The following ST6GALNAC3 variants were observed in gnomAD, a reference collection of about 807,000 sequenced individuals.
ST6GALNAC3 encodes ST6 N-acetylgalactosaminide alpha-2,6-sialyltransferase 3.
In ST6GALNAC3, 25 loss-of-function variants were observed where a neutral mutation model predicts 32.7. That is an observed-to-expected ratio of 0.76 (90% CI 0.56 to 1.07). The LOEUF (loss-of-function observed/expected upper bound fraction) is 1.07. Ranked by LOEUF, ST6GALNAC3 falls within the 50% of genes least tolerant of loss-of-function variation. The probability of loss-of-function intolerance (pLI) is 0.00; values close to 1 mark genes in which losing one functional copy is unlikely to be tolerated. For missense variants in ST6GALNAC3, 355 were observed against 382.4 expected (o/e 0.93, Z 0.60); for synonymous variants, 129 against 133.1 (o/e 0.97, Z 0.21).
chr1:76,119,323 T>C (rs149766337), intron 1 of ST6GALNAC3, among the ~76,000 whole-genome samples: 1 of 152,370 alleles, frequency 6.6e-6, no homozygotes, highest in East Asian at 1.9e-4. Context: ...TTCTTTGGAA[T>C]TCCTCGTGAA....
intron 3 of ST6GALNAC3, among the ~76,000 whole-genome samples, chr1:76,501,488 AG>A (rs1215004692): frequency 2.0e-5 from 3 of 152,130 alleles, no homozygotes. Context: ...TTCTGGGTAA[AG>A]GGAGCTAAAA....
rs531628784 is a variant in ST6GALNAC3, at chr1:76,449,811, C to CA, written c.623+37396dup. On this transcript the variant is annotated intron_variant, in intron 3 of 4. Transcript: ENST00000328299. ...GCCTTATTTATTCATTTATTTTAAT[C>CA]AATTTATTTGTTTTGATTTCAATAG... 6.8e-4 allele frequency among the ~76,000 whole-genome samples: 104 copies of CA among 151,864 alleles called. 2 individuals carry two copies. The South Asian group carries it at 0.021, about 30-fold the overall frequency.
At chr1:76,457,159 C>T (rs1199869878) in intron 3 of ST6GALNAC3, among the ~76,000 whole-genome samples, 2 of 151,958 alleles carry the variant, frequency 1.3e-5, no homozygotes, top group East Asian at 3.9e-4. Flanking sequence ...ATGTGAAGGA[C>T]CTCTTCAAGG....
chr1:76,306,334 A>G (rs1661051125), intron 1 of ST6GALNAC3, among the ~76,000 whole-genome samples: 1 of 152,100 alleles, frequency 6.6e-6, no homozygotes, highest in African/African-American at 2.4e-5. Flanking sequence ...ACCTGATGGA[A>G]TGGGTATGTC....
At chr1:76,235,385 T>C (rs1489602592) in intron 1 of ST6GALNAC3, among the ~76,000 whole-genome samples, 1 of 151,998 alleles carries the variant, frequency 6.6e-6, no homozygotes, top group Non-Finnish European at 1.5e-5. Flanking sequence ...TGCCTGCCTG[T>C]AGTCCAAGCT....
At chr1:76,528,171 C>T (rs893444721) in intron 3 of ST6GALNAC3, among the ~76,000 whole-genome samples, 21 of 152,130 alleles carry the variant, frequency 1.4e-4, no homozygotes, top group African/African-American at 5.1e-4. Context: ...GTGAGAATAT[C>T]AAAGAAGCCT....
At chr1:76,344,353 T>C (rs1395137218) in intron 2 of ST6GALNAC3, among the ~76,000 whole-genome samples, 1 of 152,226 alleles carries the variant, frequency 6.6e-6, no homozygotes, top group African/African-American at 2.4e-5. Context: ...TTTACTCTTA[T>C]TCTTCTAAAG....
chr1:76,534,492 T>C (rs1050717281), intron 3 of ST6GALNAC3, among the ~76,000 whole-genome samples: 2 of 152,180 alleles, frequency 1.3e-5, no homozygotes, highest in African/African-American at 4.8e-5. Context: ...TGGCCTTCAT[T>C]TACTATAAAC....
At chr1:76,153,399 G>A (rs759713876) in intron 1 of ST6GALNAC3, among the ~76,000 whole-genome samples, 3 of 152,058 alleles carry the variant, frequency 2.0e-5, no homozygotes, top group Non-Finnish European at 2.9e-5. Flanking sequence ...ACCCATAGGC[G>A]GCTAGAGTGT....
At chr1:76,239,128 C>T (rs529258214) in intron 1 of ST6GALNAC3, among the ~76,000 whole-genome samples, 29 of 152,088 alleles carry the variant, frequency 1.9e-4, no homozygotes, top group Admixed American at 1.0e-3. Flanking sequence ...TTGTCCTTTT[C>T]GCTTCTCTAG....
At chr1:76,086,176 C>G (rs1276576737) in intron 1 of ST6GALNAC3, among the ~76,000 whole-genome samples, 3 of 152,142 alleles carry the variant, frequency 2.0e-5, no homozygotes, top group Non-Finnish European at 4.4e-5. Context: ...TCTTTGCTGG[C>G]TAACAGGGAG....
intron 1 of ST6GALNAC3, among the ~76,000 whole-genome samples, chr1:76,223,582 A>G (rs759365574): frequency 9.9e-5 from 15 of 152,118 alleles, no homozygotes; most frequent in Non-Finnish European, 1.9e-4. Flanking sequence ...AAAAAATAAA[A>G]TGTGCTTTTA....
chr1:76,318,184 T>A (rs1052922956), intron 2 of ST6GALNAC3, among the ~76,000 whole-genome samples: 14 of 152,072 alleles, frequency 9.2e-5, no homozygotes, highest in African/African-American at 3.1e-4. Flanking sequence ...CTGATGTAGA[T>A]CCATAAAAAA....
chr1:76,509,198 ACAAATAAACAGG>A lies in ST6GALNAC3; in HGVS notation c.623+96786_623+96797del, dbSNP rs1661677983. On this transcript the variant is annotated intron_variant, in intron 3 of 4. Transcript: ENST00000328299. This position sits in a 1 kb window ranked among gnomAD's most constrained non-coding sequence, Gnocchi z 5.5. ...TCTCTATCACTCAGTGCAGTCTAGGACAAATAAACAGGCAAACAAACAGGAAAACACAAATTG... is the reference window on the plus strand; with the variant it reads ...TCTCTATCACTCAGTGCAGTCTAGGACAAACAAACAGGAAAACACAAATTG... Among the ~76,000 whole-genome samples the A allele has an allele frequency of 6.6e-6, 1 of 152,228 alleles. No individual in the cohort carries two copies. The highest frequency in any genetic ancestry group is 2.1e-4 in the South Asian group (1 of 4,830).
intron 1 of ST6GALNAC3, among the ~76,000 whole-genome samples, chr1:76,148,599 CT>C (rs1188402937): frequency 6.6e-6 from 1 of 152,130 alleles, no homozygotes; most frequent in East Asian, 1.9e-4. Flanking sequence ...CAATGCTTTT[CT>C]TTTTTTGCAA....
At position 76,239,327 on chromosome 1, in the gene ST6GALNAC3, G is replaced by T. The variant is rs1222108068; in HGVS notation, c.19-74478G>T. ...CCTCTTCCGTGGAGGAAGGGGGAAG[G>T]ATGTGGAGAGAGGATGTATTAATCC... On this transcript the variant is annotated intron_variant, in intron 1 of 4. Coordinates refer to ENST00000328299, the MANE Select transcript of ST6GALNAC3 (RefSeq NM_152996.4). Among the ~76,000 whole-genome samples the T allele has an allele frequency of 2.0e-5, 3 of 152,138 alleles. No homozygotes were observed. The East Asian group carries it at 5.8e-4, about 29-fold the overall frequency.
intron 3 of ST6GALNAC3, among the ~76,000 whole-genome samples, chr1:76,520,565 G>A (rs970082104): frequency 4.6e-5 from 7 of 151,868 alleles, no homozygotes; most frequent in Admixed American, 2.0e-4. Flanking sequence ...TACTACTTCT[G>A]ATCTTGTGCT....
At chr1:76,216,645 A>G (rs1655480531) in intron 1 of ST6GALNAC3, among the ~76,000 whole-genome samples, 1 of 152,224 alleles carries the variant, frequency 6.6e-6, no homozygotes, top group Admixed American at 6.5e-5. Context: ...CAGGAACAGC[A>G]TCTTCTAAAA....
chr1:76,482,305 C>T (rs1391149972), intron 3 of ST6GALNAC3, among the ~76,000 whole-genome samples: 1 of 151,946 alleles, frequency 6.6e-6, no homozygotes, highest in Non-Finnish European at 1.5e-5. Flanking sequence ...GAGTTGTTAA[C>T]AATAACACTG....
Sources: allele counts gnomAD v4.1 joint callset (sites outside exome capture counted in the v4.1 genomes callset), GRCh38; gene constraint gnomAD v4.1.1; non-coding constraint Gnocchi (gnomAD v3.1); transcripts MANE v1.5; gene names NCBI Gene and HGNC (gene_info 2026-07-23, HGNC 2026-07-21).